The following CALN1 variants were observed in gnomAD, a reference collection of about 807,000 sequenced individuals.
The protein encoded by CALN1 is calneuron 1.
CALN1 carries 17 observed loss-of-function variants against 30.6 expected under a neutral mutation model. That is an observed-to-expected ratio of 0.56 (90% CI 0.38 to 0.83). The LOEUF is 0.83. CALN1 is among the 40% of genes least tolerant of loss of function. CALN1 has a pLI of 0.00. For synonymous variants in CALN1, 156 were observed against 131.4 expected (o/e 1.19, Z -1.28); for missense variants, 291 against 354.9 (o/e 0.82, Z 1.45).
intron 3 of CALN1, among the ~76,000 whole-genome samples, chr7:72,111,143 C>A (rs541195889): frequency 6.6e-6 from 1 of 152,234 alleles, no homozygotes; most frequent in Admixed American, 6.5e-5. Context: ...AACACGTGCA[C>A]GTTAGACACT....
chr7:72,041,750 A>T (rs1802142825), intron 4 of CALN1, among the ~76,000 whole-genome samples: 1 of 152,118 alleles, frequency 6.6e-6, no homozygotes, highest in South Asian at 2.1e-4. Context: ...AGTGGGAGGT[A>T]ATTGGATCAT....
intron 3 of CALN1, among the ~76,000 whole-genome samples, chr7:72,165,041 T>A (rs148452946): frequency 6.6e-6 from 1 of 152,162 alleles, no homozygotes; most frequent in East Asian, 1.9e-4. Context: ...ATTTACCAAA[T>A]TCATCAAATT....
chr7:72,257,142 CA>C (rs1795969489), intron 3 of CALN1, among the ~76,000 whole-genome samples: 1 of 152,142 alleles, frequency 6.6e-6, no homozygotes, highest in African/African-American at 2.4e-5. Context: ...AGAGCGTGCA[CA>C]GGGGAAACTG....
At chr7:72,432,640 T>A (rs1808012771) in intron 1 of CALN1, among the ~76,000 whole-genome samples, 1 of 152,184 alleles carries the variant, frequency 6.6e-6, no homozygotes, top group South Asian at 2.1e-4. Flanking sequence ...CATTGTCTAT[T>A]TATTTTTTCA....
intron 4 of CALN1, among the ~76,000 whole-genome samples, chr7:72,038,585 C>G (rs973000832): frequency 1.1e-4 from 16 of 152,190 alleles, no homozygotes; most frequent in Non-Finnish European, 1.3e-4. Context: ...ACCCTCTGTG[C>G]TGCATTTCCA....
In CALN1 at chr7:72,216,665, G is replaced by C. The variant is rs567380203; in HGVS notation, c.244+62021C>G. Among the ~76,000 whole-genome samples, 8 of 152,208 alleles carry C rather than the reference G, an allele frequency of 5.3e-5. No homozygotes were observed. The South Asian group carries it at 1.5e-3, about 28-fold the overall frequency. ...GACATAGAGAACAGTTATTGAACCA[G>C]ATACACCTCTGATCCCAAAATAAAG... On this transcript the variant is annotated intron_variant, in intron 3 of 6. Transcript: ENST00000395275.
At chr7:72,306,621 T>TA (rs755368348) in intron 2 of CALN1, among the ~76,000 whole-genome samples, 191 of 118,044 alleles carry the variant, frequency 1.6e-3, no homozygotes, top group Middle Eastern at 9.3e-3. Context: ...ATTCCTGCTC[T>TA]AAAAAAAAAA....
intron 5 of CALN1, among the ~76,000 whole-genome samples, chr7:72,015,030 C>T (rs1332343756): frequency 2.6e-5 from 4 of 152,202 alleles, no homozygotes; most frequent in African/African-American, 9.7e-5. Flanking sequence ...GTTCCATTGC[C>T]TCCAATGCTT....
intron 2 of CALN1, chr7:72,336,676 A>T: frequency 1.0e-6 from 1 of 984,716 alleles, no homozygotes; most frequent in Non-Finnish European, 1.2e-6. Flanking sequence ...GCGCGCGGGT[A>T]AGCTAGGGAG....
chr7:72,407,933 T>TCA (rs1465514866), intron 1 of CALN1, among the ~76,000 whole-genome samples: 1 of 152,076 alleles, frequency 6.6e-6, no homozygotes, highest in East Asian at 1.9e-4. Flanking sequence ...CCCTACTCCT[T>TCA]CAGTCTGGAG....
chr7:72,092,625 TAAAAAAAAAA>T (rs369445548), intron 4 of CALN1, among the ~76,000 whole-genome samples: 3 of 106,240 alleles, frequency 2.8e-5, no homozygotes, highest in Non-Finnish European at 3.7e-5. Context: ...TGTATTCTAG[TAAAAAAAAAA>T]AAAAAAAAAA....
rs145016600 is a variant in CALN1, at chr7:72,087,090, A to G, written c.388+19061T>C. 1.1e-3 allele frequency among the ~76,000 whole-genome samples: 160 copies of G among 152,344 alleles called. 1 individual carries two copies. Among genetic ancestry groups the G allele is most frequent in the African/African-American group, 3.4e-3 (140 of 41,576 alleles). On this transcript the variant is annotated intron_variant, in intron 4 of 6. Transcript: ENST00000395275. ...GTCCATCTCAGACAACAATCGATGTAATTTTCAAGTTTAAACTCAGAACTC... is the reference window on the plus strand; with the variant it reads ...GTCCATCTCAGACAACAATCGATGTGATTTTCAAGTTTAAACTCAGAACTC...
chr7:72,354,646 CAATT>C (rs1382050074), intron 2 of CALN1, among the ~76,000 whole-genome samples: 4 of 152,072 alleles, frequency 2.6e-5, no homozygotes, highest in Non-Finnish European at 4.4e-5. Context: ...TGCGTGTGAC[CAATT>C]AGTTTTTCAC....
At chr7:71,804,343 T>C (rs1328464146) in intron 6 of CALN1, among the ~76,000 whole-genome samples, 3 of 152,074 alleles carry the variant, frequency 2.0e-5, no homozygotes, top group African/African-American at 7.2e-5. Context: ...ACCCTGTTTC[T>C]ACAAAAGTAA....
chr7:71,926,430 C>CT (rs1795273428), intron 5 of CALN1, among the ~76,000 whole-genome samples: 3 of 152,218 alleles, frequency 2.0e-5, no homozygotes. Flanking sequence ...AACATACCAT[C>CT]TCCAATAGGC....
intron 4 of CALN1, among the ~76,000 whole-genome samples, chr7:72,096,325 T>C (rs844716): frequency 0.96 from 146,836 of 152,246 alleles, 70,835 homozygotes; most frequent in East Asian, 1. Flanking sequence ...CATCAGGTTT[T>C]CAAGGGAAAA....
At chr7:72,461,245 C>T in the CALN1 span, among the ~76,000 whole-genome samples, 2 of 152,292 alleles carry the variant, frequency 1.3e-5, no homozygotes, top group East Asian at 3.9e-4. Flanking sequence ...CTGTGGAAAA[C>T]AGCATGGAGA....
At chr7:71,895,479 C>T (rs760232662) in intron 5 of CALN1, among the ~76,000 whole-genome samples, 1 of 152,306 alleles carries the variant, frequency 6.6e-6, no homozygotes, top group South Asian at 2.1e-4. Context: ...ATTCATTCGA[C>T]AAGAGTGACA....
chr7:72,232,890 A>T (rs1794211768), intron 3 of CALN1, among the ~76,000 whole-genome samples: 1 of 152,234 alleles, frequency 6.6e-6, no homozygotes, highest in South Asian at 2.1e-4. Flanking sequence ...AACACTATCT[A>T]TATTGGGTAT....
Sources: gnomAD v4.1 joint callset for allele counts (sites outside exome capture counted in the v4.1 genomes callset) on GRCh38, gnomAD v4.1.1 for gene constraint, MANE v1.5 for transcripts, NCBI Gene and HGNC (gene_info 2026-07-23, HGNC 2026-07-21) for gene names.